ZNF599: variants seen among roughly 807,000 people sequenced by gnomAD.
ZNF599 encodes the protein zinc finger protein 599.
A neutral mutation model predicts 11.7 loss-of-function variants in ZNF599; 10 were observed. The ratio of observed to expected loss-of-function variants is 0.86; its 90% CI spans 0.53 to 1.45. The LOEUF is 1.45. Among genes scored for constraint, ZNF599 ranks in the 40% most tolerant of loss-of-function variants. The probability of loss-of-function intolerance (pLI) is 0.00; values close to 1 mark genes in which losing one functional copy is unlikely to be tolerated. For synonymous variants in ZNF599, 232 were observed against 253.2 expected, an observed-to-expected ratio of 0.92 and a Z score of 0.79; for missense variants, 688 against 713.6, an observed-to-expected ratio of 0.96 and a Z score of 0.41.
chr19:34,772,745 G>C, intron 1 of ZNF599, 79 bp downstream of exon 1: 1 of 1,531,502 alleles, frequency 6.5e-7, no homozygotes. Context: ...ACAGAGTCCC[G>C]GCATCCGCCG....
chr19:34,799,009 C>A, the ZNF599 span, among the ~76,000 whole-genome samples: 4 of 149,258 alleles, frequency 2.7e-5, no homozygotes, highest in Admixed American at 2.0e-4. Flanking sequence ...ATACACAGCA[C>A]TTTTTTTTTT....
At chr19:34,800,683 C>T in the ZNF599 span, among the ~76,000 whole-genome samples, 3 of 144,596 alleles carry the variant, frequency 2.1e-5, no homozygotes, top group African/African-American at 7.7e-5. Context: ...GCAACCTCTG[C>T]CCCCCGGGTC....
chr19:34,791,419 T>G, the ZNF599 span, among the ~76,000 whole-genome samples: 1 of 152,228 alleles, frequency 6.6e-6, no homozygotes, highest in African/African-American at 2.4e-5. Flanking sequence ...TGTGGACCTG[T>G]GTGGATCTTG....
At chr19:34,771,518 C>T (rs1307908107) in intron 1 of ZNF599, among the ~76,000 whole-genome samples, 1 of 152,184 alleles carries the variant, frequency 6.6e-6, no homozygotes, top group African/African-American at 2.4e-5. Context: ...TTGCTCCTGT[C>T]GCACCCTAGG....
At chr19:34,788,508 C>G in the ZNF599 span, 1 of 152,078 alleles carries the variant, frequency 6.6e-6, no homozygotes, top group Non-Finnish European at 1.5e-5. Flanking sequence ...TTTGAAGAAA[C>G]AGCATAAAGC....
the ZNF599 span, among the ~76,000 whole-genome samples, chr19:34,798,120 C>A: frequency 6.6e-6 from 1 of 152,174 alleles, no homozygotes; most frequent in Non-Finnish European, 1.5e-5. Flanking sequence ...TTCTGGCAGT[C>A]CCACCTGGCA....
the ZNF599 span, among the ~76,000 whole-genome samples, chr19:34,779,039 G>A: frequency 3.3e-5 from 5 of 152,168 alleles, no homozygotes; most frequent in Non-Finnish European, 5.9e-5. Flanking sequence ...TGGTGAGGAT[G>A]TGGAGAAACT....
Position 34,759,946 on chromosome 19 carries a change from G to A in ZNF599, c.855C>T (p.Cys285=), listed in dbSNP as rs1269736813. The change falls in exon 4 of 4, where the codon TGC becomes TGT. Residue 285 remains cysteine (C), a synonymous_variant. Transcript: ENST00000329285. ...GGGTGAATGCTTTGCCACATTCTTT[G>A]CACTCATAGGGCTTATCTCCGGTGT... ...RIHTGDKPYE[C]KECGKAFTHR... is the part of the protein sequence containing the mutation. The A allele has an allele frequency of 6.2e-7, 1 of 1,614,066 alleles. No homozygotes were observed. The highest frequency in any genetic ancestry group is 1.3e-5 in the African/African-American group (1 of 74,912).
At chr19:34,800,297 T>G in the ZNF599 span, among the ~76,000 whole-genome samples, 1 of 152,250 alleles carries the variant, frequency 6.6e-6, no homozygotes, top group Admixed American at 6.5e-5. Flanking sequence ...AGTCTGATAT[T>G]AATATAGTTA....
chr19:34,766,109 G>C, intron 3 of ZNF599, among the ~76,000 whole-genome samples: 1 of 152,194 alleles, frequency 6.6e-6, no homozygotes, highest in Middle Eastern at 3.2e-3. Flanking sequence ...TGATGAGTGT[G>C]AGGTGCCTCT....
At chr19:34,778,500 A>G in the ZNF599 span, among the ~76,000 whole-genome samples, 1 of 152,274 alleles carries the variant, frequency 6.6e-6, no homozygotes, top group South Asian at 2.1e-4. Flanking sequence ...ATCAAGAAAT[A>G]GATGTCTCCA....
At chr19:34,787,517 C>T in the ZNF599 span, among the ~76,000 whole-genome samples, 496 of 152,294 alleles carry the variant, frequency 3.3e-3, 3 homozygotes, top group African/African-American at 0.011. Flanking sequence ...TTATAGGCCA[C>T]AGGATTCAAC....
At chr19:34,775,837 A>G (rs964652442), upstream of ZNF599, among the ~76,000 whole-genome samples, 3 of 152,224 alleles carry the variant, frequency 2.0e-5, no homozygotes, top group Admixed American at 6.5e-5. Flanking sequence ...GTAAATTTAT[A>G]CGAACAAAAT....
In ZNF599 at chr19:34,760,030, A is replaced by C. The variant is rs2145448994; in HGVS notation, c.771T>G (p.Cys257Trp). ...RLHTGEKPYKCIECGKAFKRR... is the reference protein window; with the variant it reads ...RLHTGEKPYKWIECGKAFKRR... ...GTTTGAAGGCTTTCCCACACTCAAT[A>C]CACTTGTATGGTTTTTCCCCAGTAT... Residue 257 changes from cysteine (C) to tryptophan (W), a missense_variant, in exon 4 of 4, where the codon TGT becomes TGG. Cys to Trp is a radical substitution (Grantham distance 215, BLOSUM62 -2). Coordinates refer to ENST00000329285, the MANE Select transcript of ZNF599 (RefSeq NM_001007248.3). The C allele has an allele frequency of 6.2e-7, 1 of 1,613,946 alleles. No individual in the cohort carries two copies. Among genetic ancestry groups the C allele is most frequent in the East Asian group, 2.2e-5 (1 of 44,876 alleles).
chr19:34,797,266 A>G, the ZNF599 span, among the ~76,000 whole-genome samples: 2 of 152,192 alleles, frequency 1.3e-5, no homozygotes, highest in African/African-American at 2.4e-5. Context: ...TAGTGCCGCA[A>G]TAAACATACG....
intron 3 of ZNF599, chr19:34,765,711 T>C: frequency 1.4e-6 from 1 of 702,156 alleles, no homozygotes; most frequent in Non-Finnish European, 2.6e-6. Context: ...GTGTAGGCTT[T>C]ATTCATAAAG....
chr19:34,793,463 C>T, the ZNF599 span, among the ~76,000 whole-genome samples: 1 of 152,172 alleles, frequency 6.6e-6, no homozygotes, highest in South Asian at 2.1e-4. Flanking sequence ...ATTTTGTTTA[C>T]TTGAATTGGT....
At chr19:34,779,361 T>G in the ZNF599 span, 1 of 356,328 alleles carries the variant, frequency 2.8e-6, no homozygotes, top group Admixed American at 3.3e-5. Flanking sequence ...TTGGCCACCC[T>G]AACTGCTGGG....
At chr19:34,777,344 ATT>A (rs1436844893), upstream of ZNF599, among the ~76,000 whole-genome samples, 6 of 90,190 alleles carry the variant, frequency 6.7e-5, no homozygotes, top group Non-Finnish European at 1.2e-4. Flanking sequence ...ATATTAATAT[ATT>A]ATATATTATA....
Sources: allele counts gnomAD v4.1 joint callset (sites outside exome capture counted in the v4.1 genomes callset), GRCh38; gene constraint gnomAD v4.1.1; transcripts MANE v1.5; gene names NCBI Gene and HGNC (gene_info 2026-07-23, HGNC 2026-07-21).